ZNF438: variants seen among roughly 807,000 people sequenced by gnomAD.
ZNF438 encodes the protein zinc finger protein 438.
In ZNF438, 25 loss-of-function variants were observed where a neutral mutation model predicts 38.0. The ratio of observed to expected loss-of-function variants is 0.66; its 90% CI spans 0.48 to 0.92. ZNF438 has a LOEUF of 0.92. Among genes scored for constraint, ZNF438 ranks in the 40% least tolerant of loss-of-function variants. ZNF438 has a pLI of 0.00. For missense variants in ZNF438, 1,007 were observed against 999.6 expected (o/e 1.01, Z -0.10); for synonymous variants, 372 against 364.1 (o/e 1.02, Z -0.25).
rs145938807 is a variant in ZNF438 at position 30,927,357 on chromosome 10, C to T, written c.-115+14218G>A. On this transcript the variant is annotated intron_variant, in intron 2 of 5. Coordinates refer to ENST00000413025, the Ensembl canonical transcript of ZNF438. Reference sequence around the variant, plus strand: ...AAGGCTATATAGTCTCCACAAAGGGCATGTTCCCCAATGTCCACATATATA... The same window carrying T: ...AAGGCTATATAGTCTCCACAAAGGGTATGTTCCCCAATGTCCACATATATA... Among the ~76,000 whole-genome samples, 307 of 152,338 alleles carry T rather than the reference C, an allele frequency of 2.0e-3. 2 individuals are homozygous for T. Among genetic ancestry groups the T allele is most frequent in the African/African-American group, 6.9e-3 (289 of 41,586 alleles).
chr10:30,915,832 G>A (rs2043566746), intron 2 of ZNF438, among the ~76,000 whole-genome samples: 1 of 152,006 alleles, frequency 6.6e-6, no homozygotes, highest in South Asian at 2.1e-4. Flanking sequence ...TCATAAAAGT[G>A]TGCTTTGAGA....
chr10:30,884,372 T>C (rs1356813527), intron 3 of ZNF438, among the ~76,000 whole-genome samples: 4 of 152,280 alleles, frequency 2.6e-5, no homozygotes, highest in Middle Eastern at 6.8e-3. Context: ...GACTGGATAA[T>C]AATATAAATA....
At chr10:30,895,511 G>T (rs924556917) in intron 3 of ZNF438, among the ~76,000 whole-genome samples, 4 of 152,062 alleles carry the variant, frequency 2.6e-5, no homozygotes, top group African/African-American at 9.7e-5. Flanking sequence ...AGATAAACTG[G>T]ACTATACCAA....
chr10:30,848,764 A>G lies in ZNF438; in HGVS notation c.1641T>C (p.Pro547=). ...GTTTCATGTGTGTGCTCAGGCTGCC[A>G]GGACGTACATAGGACTTGCGACAAA... is the stretch of plus-strand genomic sequence containing the variant. The change falls in exon 5 of 6, where the codon CCT becomes CCC. Residue 547 remains proline, a synonymous_variant. Transcript: ENST00000413025. 1.9e-6 allele frequency: 3 copies of G among 1,614,226 alleles called. No individual in the cohort carries two copies. The South Asian group carries it at 3.3e-5, about 18-fold the overall frequency.
At chr10:30,895,795 A>G (rs1012648217) in intron 3 of ZNF438, among the ~76,000 whole-genome samples, 5 of 152,204 alleles carry the variant, frequency 3.3e-5, no homozygotes, top group African/African-American at 1.2e-4. Context: ...CCACAATGAA[A>G]TAACACCTCA....
exon 4 of ZNF438, chr10:30,877,022 C>T (rs1588951224): frequency 6.2e-7 from 1 of 1,605,378 alleles, no homozygotes; most frequent in East Asian, 2.2e-5. Flanking sequence ...GGTACTGATA[C>T]AGAATTCTGC....
chr10:30,931,138 T>C (rs1245749392), intron 2 of ZNF438, among the ~76,000 whole-genome samples: 1 of 152,144 alleles, frequency 6.6e-6, no homozygotes, highest in Non-Finnish European at 1.5e-5. Flanking sequence ...CTGAGGCAGG[T>C]AGGTAGACAT....
In ZNF438 at chr10:30,853,456, C is replaced by T. The variant is rs144914407; in HGVS notation, c.38-3089G>A. 2.8e-3 allele frequency among the ~76,000 whole-genome samples: 427 copies of T among 152,274 alleles called. 4 individuals carry two copies. The highest frequency in any genetic ancestry group is 8.9e-3 in the African/African-American group (370 of 41,538). On this transcript the variant is annotated intron_variant, in intron 4 of 5. Coordinates refer to ENST00000413025, the Ensembl canonical transcript of ZNF438. Reference sequence around the variant, plus strand: ...ACTTGCTCCACTCCAGCCATGGTGGCCTCTTTGCTGTTCTGGGCATGCACC... The same window carrying T: ...ACTTGCTCCACTCCAGCCATGGTGGTCTCTTTGCTGTTCTGGGCATGCACC...
At chr10:31,005,708 T>A (rs1395680413) in intron 1 of ZNF438, among the ~76,000 whole-genome samples, 1 of 152,186 alleles carries the variant, frequency 6.6e-6, no homozygotes, top group Non-Finnish European at 1.5e-5. Flanking sequence ...GACTGTAGTA[T>A]CCACTTCACT....
At chr10:30,964,814 A>G (rs2049932972) in intron 1 of ZNF438, among the ~76,000 whole-genome samples, 1 of 152,164 alleles carries the variant, frequency 6.6e-6, no homozygotes, top group African/African-American at 2.4e-5. Context: ...GCACACAGTC[A>G]TATGCATATG....
chr10:30,844,885 C>T (rs1177008438), exon 6 of ZNF438: 1 of 1,515,488 alleles, frequency 6.6e-7, no homozygotes, highest in South Asian at 1.3e-5. Flanking sequence ...TGTGACTAAG[C>T]ACCACCATAA....
At position 30,911,289 on chromosome 10, in the gene ZNF438, T is replaced by C. The variant is rs189354134; in HGVS notation, c.-114-2274A>G. Among the ~76,000 whole-genome samples, 55 of 152,256 alleles carry C rather than the reference T, an allele frequency of 3.6e-4. 1 individual carries two copies. In the East Asian group the frequency reaches 0.01, roughly 28 times the overall value. On this transcript the variant is annotated intron_variant, in intron 2 of 5. Coordinates refer to ENST00000413025, the Ensembl canonical transcript of ZNF438. Reference sequence around the variant, plus strand: ...GGGACACACTCAGCAGCTTGCTTAGTGAGATAGGGGCCCTGTCTTTAAAAA... The same window carrying C: ...GGGACACACTCAGCAGCTTGCTTAGCGAGATAGGGGCCCTGTCTTTAAAAA...
chr10:30,853,784 G>T (rs1052267765), intron 4 of ZNF438, among the ~76,000 whole-genome samples: 8 of 150,664 alleles, frequency 5.3e-5, no homozygotes, highest in Admixed American at 1.3e-4. Flanking sequence ...ATCACTTGAG[G>T]TCAGGAGTTT....
intron 1 of ZNF438, among the ~76,000 whole-genome samples, chr10:31,010,899 A>AAAAAAAAAAAAAG (rs2055624912): frequency 3.6e-5 from 1 of 28,088 alleles, no homozygotes. Flanking sequence ...TTTGAAAAAA[A>AAAAAAAAAAAAAG]AAAAAAAAAA....
At chr10:30,854,532 G>A (rs954342775) in intron 4 of ZNF438, among the ~76,000 whole-genome samples, 1 of 151,600 alleles carries the variant, frequency 6.6e-6, no homozygotes, top group African/African-American at 2.4e-5. Flanking sequence ...GTAAACAGTG[G>A]GGAAAAAAAG....
chr10:31,004,896 CAT>C (rs1333442871), intron 1 of ZNF438, among the ~76,000 whole-genome samples: 1 of 152,136 alleles, frequency 6.6e-6, no homozygotes, highest in African/African-American at 2.4e-5. Context: ...TTCATAATAA[CAT>C]AGCCTATTTC....
At chr10:30,873,312 A>G (rs150629500) in intron 4 of ZNF438, among the ~76,000 whole-genome samples, 118 of 152,216 alleles carry the variant, frequency 7.8e-4, no homozygotes, top group African/African-American at 2.7e-3. Context: ...ACTAGTTTAT[A>G]ATAGAAAAAT....
chr10:30,988,577 A>T (rs1564803520), intron 1 of ZNF438, among the ~76,000 whole-genome samples: 1 of 152,100 alleles, frequency 6.6e-6, no homozygotes, highest in Non-Finnish European at 1.5e-5. Flanking sequence ...CTAAGAAACT[A>T]AATAATGTAA....
intron 1 of ZNF438, among the ~76,000 whole-genome samples, chr10:31,014,872 A>G (rs1308696240): frequency 6.6e-6 from 1 of 151,420 alleles, no homozygotes; most frequent in Non-Finnish European, 1.5e-5. Context: ...ATATATATAT[A>G]TATATATTTA....
Sources: gnomAD v4.1 joint callset for allele counts (sites outside exome capture counted in the v4.1 genomes callset) on GRCh38, gnomAD v4.1.1 for gene constraint, MANE v1.5 for transcripts, NCBI Gene and HGNC (gene_info 2026-07-23, HGNC 2026-07-21) for gene names.